NLGN4X: variants seen among roughly 807,000 people sequenced by gnomAD.
NLGN4X encodes neuroligin-4, X-linked.
NLGN4X carries 3 observed loss-of-function variants against 40.3 expected under a neutral mutation model. The ratio of observed to expected loss-of-function variants is 0.07; its 90% CI spans 0.03 to 0.19. NLGN4X has a LOEUF of 0.19. Ranked by LOEUF, NLGN4X falls within the 10% of genes least tolerant of loss-of-function variation. The pLI, the probability that NLGN4X is intolerant of heterozygous loss-of-function variation, is 1.00. For missense variants in NLGN4X, 382 were observed against 708.3 expected, an observed-to-expected ratio of 0.54 and a Z score of 5.23; for synonymous variants, 270 against 306.8, an observed-to-expected ratio of 0.88 and a Z score of 1.25.
intron 3 of NLGN4X, among the ~76,000 whole-genome samples, chrX:5,988,902 TA>T (rs900950067): frequency 1.8e-5 from 2 of 109,053 alleles, no homozygotes; most frequent in African/African-American, 6.7e-5. Context: ...CCGTCCCTAC[TA>T]AAAAAAATAC....
At chrX:5,994,815 T>C (rs918559885) in intron 3 of NLGN4X, among the ~76,000 whole-genome samples, 4 of 111,941 alleles carry the variant, frequency 3.6e-5, no homozygotes, top group African/African-American at 6.5e-5. Flanking sequence ...CAGAGGGATA[T>C]TGAATTCACT....
intron 3 of NLGN4X, among the ~76,000 whole-genome samples, chrX:5,978,332 CTTTCTTTCT>C (rs1371316309): frequency 0.3 from 10,958 of 37,034 alleles, 998 homozygotes; most frequent in East Asian, 0.4. Context: ...TTCTTTCTTT[CTTTCTTTCT>C]TTCCCTTCCT....
intron 1 of NLGN4X, among the ~76,000 whole-genome samples, chrX:6,158,040 G>A (rs934228054): frequency 1.9e-4 from 21 of 111,964 alleles, no homozygotes; most frequent in African/African-American, 2.9e-4. Flanking sequence ...ATAAAAGTGC[G>A]TTAATGCTTG....
At chrX:6,200,493 A>C (rs1000251895) in intron 1 of NLGN4X, among the ~76,000 whole-genome samples, 1 of 110,823 alleles carries the variant, frequency 9.0e-6, no homozygotes, top group African/African-American at 3.3e-5. Flanking sequence ...ACTGTATAAA[A>C]GTGGAATAGG....
chrX:5,959,310 G>C (rs2034586399), intron 3 of NLGN4X, among the ~76,000 whole-genome samples: 1 of 112,076 alleles, frequency 8.9e-6, no homozygotes, highest in Admixed American at 9.5e-5. Context: ...AAAGGCATAG[G>C]CATTTCTGGA....
At chrX:6,178,167 A>G (rs935071511) in intron 1 of NLGN4X, among the ~76,000 whole-genome samples, 1 of 112,120 alleles carries the variant, frequency 8.9e-6, no homozygotes, top group Non-Finnish European at 1.9e-5. Context: ...TGGCTTCCAG[A>G]CCACCTAATA....
intron 3 of NLGN4X, among the ~76,000 whole-genome samples, chrX:5,944,552 AGAG>A (rs1361165838): frequency 9.4e-6 from 1 of 106,213 alleles, no homozygotes; most frequent in African/African-American, 3.5e-5. Context: ...GGAGGCCAAG[AGAG>A]GAGGACTGCT....
intron 1 of NLGN4X, among the ~76,000 whole-genome samples, chrX:6,198,434 A>G (rs1309693906): frequency 9.0e-6 from 1 of 111,173 alleles, no homozygotes; most frequent in Non-Finnish European, 1.9e-5. Context: ...AGAAATTACA[A>G]TACAGATTGT....
chrX:6,183,206 T>C (rs909137346), intron 1 of NLGN4X, among the ~76,000 whole-genome samples: 1 of 112,368 alleles, frequency 8.9e-6, no homozygotes, highest in Non-Finnish European at 1.9e-5. Flanking sequence ...AAAACCCAAA[T>C]CATTTTGAAA....
chrX:6,075,283 T>A (rs1216325341), intron 2 of NLGN4X, among the ~76,000 whole-genome samples: 1 of 111,850 alleles, frequency 8.9e-6, no homozygotes, highest in Non-Finnish European at 1.9e-5. Flanking sequence ...TTGAAGATAC[T>A]TCAAGATACT....
intron 1 of NLGN4X, among the ~76,000 whole-genome samples, chrX:6,155,855 C>T (rs971805242): frequency 8.9e-6 from 1 of 112,195 alleles, no homozygotes; most frequent in Non-Finnish European, 1.9e-5. Flanking sequence ...TACCATCTCA[C>T]ACTAGTCAGA....
At chrX:6,223,804 A>G (rs748321339) in intron 1 of NLGN4X, among the ~76,000 whole-genome samples, 216 of 112,916 alleles carry the variant, frequency 1.9e-3, no homozygotes, top group African/African-American at 6.3e-3. Flanking sequence ...GTAGCTCAGG[A>G]GTTTAAGAAA....
chrX:5,958,278 A>G (rs1387902793), intron 3 of NLGN4X, among the ~76,000 whole-genome samples: 1 of 112,161 alleles, frequency 8.9e-6, no homozygotes, highest in Non-Finnish European at 1.9e-5. Flanking sequence ...GATTAAAAAA[A>G]GAATATTTCA....
Position 6,103,923 on chromosome X carries a change from T to C in NLGN4X, c.472+47072A>G, listed in dbSNP as rs975345534. Among the ~76,000 whole-genome samples, 14 of 112,310 alleles carry C rather than the reference T, an allele frequency of 1.2e-4. No homozygotes were observed. In the South Asian group the frequency reaches 1.9e-3, roughly 15 times the overall value. On this transcript the variant is annotated intron_variant, in intron 2 of 5. Coordinates refer to ENST00000381095, the MANE Select transcript of NLGN4X (RefSeq NM_181332.3). ...TGGTACATGATGAGCATTCAAAGCA[T>C]TGCAAAGAATAGTAATAGAATACGT...
intron 1 of NLGN4X, among the ~76,000 whole-genome samples, chrX:6,191,896 G>A (rs761369423): frequency 1.7e-4 from 19 of 111,757 alleles, no homozygotes; most frequent in Middle Eastern, 4.6e-3. Context: ...CAGAAAAGTC[G>A]ATTAACCAGT....
chrX:6,179,660 A>G (rs1245647398), intron 1 of NLGN4X, among the ~76,000 whole-genome samples: 2 of 111,899 alleles, frequency 1.8e-5, no homozygotes, highest in Non-Finnish European at 3.8e-5. Context: ...ACCATATTAT[A>G]TGGCTGTCAT....
chrX:6,163,582 T>C (rs2040442818), intron 1 of NLGN4X, among the ~76,000 whole-genome samples: 1 of 111,881 alleles, frequency 8.9e-6, no homozygotes, highest in Non-Finnish European at 1.9e-5. Context: ...TTCTGTGGGA[T>C]GGTGGGCTTC....
chrX:6,130,542 T>C (rs1342949617), intron 2 of NLGN4X, among the ~76,000 whole-genome samples: 2 of 112,799 alleles, frequency 1.8e-5, no homozygotes, highest in Non-Finnish European at 3.7e-5. Flanking sequence ...CCCACTTTCC[T>C]GCCTCTTCTA....
At chrX:5,979,036 A>G (rs1228525573) in intron 3 of NLGN4X, among the ~76,000 whole-genome samples, 2 of 111,444 alleles carry the variant, frequency 1.8e-5, no homozygotes, top group African/African-American at 6.5e-5. Context: ...GTACATATAT[A>G]TATATCACAC....
Sources: gnomAD v4.1 joint callset for allele counts (sites outside exome capture counted in the v4.1 genomes callset) on GRCh38, gnomAD v4.1.1 for gene constraint, MANE v1.5 for transcripts, NCBI Gene and HGNC (gene_info 2026-07-23, HGNC 2026-07-21) for gene names.